DNAAF8: variants seen among roughly 807,000 people sequenced by gnomAD.
DNAAF8 encodes the protein dynein axonemal assembly factor 8, also known as dynein axonemal-associated protein 1.
DNAAF8 carries 61 observed loss-of-function variants against 54.6 expected under a neutral mutation model. That is an observed-to-expected ratio of 1.12 (90% CI 0.91 to 1.38). DNAAF8 has a LOEUF of 1.38. Among genes scored for constraint, DNAAF8 ranks in the 40% most tolerant of loss-of-function variants. The pLI, the probability that DNAAF8 is intolerant of heterozygous loss-of-function variation, is 0.00. For synonymous variants in DNAAF8, 320 were observed against 270.1 expected (o/e 1.18, Z -1.81); for missense variants, 837 against 665.0 (o/e 1.26, Z -2.85).
rs2081973584 is a variant in DNAAF8, at chr16:4,743,072, C to A, written c.813C>A (p.Ile271=). 2 of 1,612,170 alleles carry A rather than the reference C, an allele frequency of 1.2e-6. No homozygotes were observed. The highest frequency in any genetic ancestry group is 1.1e-5 in the South Asian group (1 of 90,862). The change falls in exon 5 of 10, where the codon ATC becomes ATA. Residue 271 remains isoleucine (I), a synonymous_variant. Transcript: ENST00000299320. The part of the protein sequence containing the change: ...QQLEAWDLDD[I]LQSLAGQEDN... Reference sequence around the variant, plus strand: ...TTGAAGCGTGGGATTTGGATGACATCCTTCAGAGTCTGGCGGGACAAGAAG... The same window carrying A: ...TTGAAGCGTGGGATTTGGATGACATACTTCAGAGTCTGGCGGGACAAGAAG...
At chr16:4,747,697 T>A in intron 9 of DNAAF8, 63 bp downstream of exon 9, 1 of 1,489,646 alleles carries the variant, frequency 6.7e-7, no homozygotes, top group Admixed American at 2.3e-5. Flanking sequence ...GGCCCCGGTG[T>A]CCCCTTGTTG....
intron 9 of DNAAF8, chr16:4,748,349 GC>G (rs2082045743): frequency 1.3e-5 from 2 of 151,722 alleles, no homozygotes; most frequent in South Asian, 4.2e-4. Flanking sequence ...TGCCAGCCTG[GC>G]TTTTAATGAA....
At chr16:4,742,990 G>A (rs914791466) in intron 4 of DNAAF8, 53 bp from the exon 5 acceptor site, 13 of 1,398,110 alleles carry the variant, frequency 9.3e-6, no homozygotes, top group African/African-American at 1.4e-5. Flanking sequence ...GCAGGTACTT[G>A]TGCCTCTGGG....
rs928939650 is a variant in DNAAF8 at position 4,746,959 on chromosome 16, A to T, written c.1214A>T (p.Glu405Val). ...SSHSSSDSEE[E>V]EEEEMAALGD... is the part of the protein sequence containing the mutation. ...CACAGCTCCTCTGACAGTGAGGAGG[A>T]GGAGGAGGAAGAGATGGCAGCTCTG... The change falls in exon 8 of 10, where the codon GAG (glutamate) becomes GTG (valine). Residue 405 changes from glutamate (E) to valine (V), a missense_variant. Transcript: ENST00000299320. The T allele has an allele frequency of 6.4e-7, 1 of 1,553,826 alleles. No individual in the cohort carries two copies. The highest frequency in any genetic ancestry group is 8.7e-7 in the Non-Finnish European group (1 of 1,154,030).
At chr16:4,735,520 C>G (rs750113748) in intron 1 of DNAAF8, among the ~76,000 whole-genome samples, 1 of 152,056 alleles carries the variant, frequency 6.6e-6, no homozygotes, top group African/African-American at 2.4e-5. Context: ...GACACTGGCT[C>G]TAGAGGACCC....
In DNAAF8 at chr16:4,743,139, G is replaced by A. The variant is rs1364945013; in HGVS notation, c.880G>A (p.Ala294Thr). The A allele has an allele frequency of 6.2e-7, 1 of 1,606,130 alleles. No homozygotes were observed. The highest frequency in any genetic ancestry group is 8.5e-7 in the Non-Finnish European group (1 of 1,175,676). The part of the protein sequence containing the change: ...NRAPGTVWWA[A>T]DHRQVQDRMV... ...TGCACCTGGAACTGTGTGGTGGGCA[G>A]CTGACCACCGCCAAGTTCAAGGTCT... Residue 294 changes from alanine to threonine, a missense_variant, in exon 5 of 10, where the codon GCT becomes ACT. Ala to Thr is a moderately conservative substitution (Grantham distance 58, BLOSUM62 0). Coordinates refer to ENST00000299320, the MANE Select transcript of DNAAF8 (RefSeq NM_139170.3).
At chr16:4,739,262 C>CTTTTTTTTTTTTT (rs1596482355) in intron 3 of DNAAF8, among the ~76,000 whole-genome samples, 17 of 36,272 alleles carry the variant, frequency 4.7e-4, no homozygotes, top group Non-Finnish European at 6.3e-4. Context: ...ATGATTTTTT[C>CTTTTTTTTTTTTT]TTGTTTTTTT....
intron 9 of DNAAF8, among the ~76,000 whole-genome samples, 158 bp downstream of exon 9, chr16:4,747,792 AC>A: frequency 9.9e-6 from 1 of 100,906 alleles, no homozygotes; most frequent in East Asian, 3.7e-4. Context: ...GAGCTCAGTC[AC>A]AGGTGCATGA....
intron 5 of DNAAF8, 66 bp from the exon 6 acceptor site, chr16:4,744,804 C>T: frequency 6.5e-7 from 1 of 1,541,298 alleles, no homozygotes. Context: ...TCCTGAGGCT[C>T]CAGCTGCTGT....
At chr16:4,735,625 G>A (rs904156907) in intron 1 of DNAAF8, among the ~76,000 whole-genome samples, 4 of 150,400 alleles carry the variant, frequency 2.7e-5, no homozygotes, top group African/African-American at 4.9e-5. Context: ...GGGCTGGTCA[G>A]AGTAGTGACT....
At chr16:4,746,182 G>C in intron 6 of DNAAF8, 193 bp from the exon 7 acceptor site, 1 of 556,380 alleles carries the variant, frequency 1.8e-6, no homozygotes, top group Non-Finnish European at 3.1e-6. Context: ...GGGACGTTCT[G>C]TTGGCCAGTG....
At chr16:4,736,723 A>C in intron 2 of DNAAF8, 80 bp downstream of exon 2, 1 of 1,310,910 alleles carries the variant, frequency 7.6e-7, no homozygotes. Flanking sequence ...GCTTTGGAGC[A>C]CTTCTCTGAA....
At chr16:4,745,393 G>A (rs531930480) in intron 6 of DNAAF8, among the ~76,000 whole-genome samples, 4 of 152,194 alleles carry the variant, frequency 2.6e-5, no homozygotes, top group East Asian at 1.9e-4. Flanking sequence ...CCCCAGCTGC[G>A]GGATTTTTCA....
At chr16:4,745,409 T>C (rs1045740303) in intron 6 of DNAAF8, among the ~76,000 whole-genome samples, 5 of 152,172 alleles carry the variant, frequency 3.3e-5, no homozygotes, top group African/African-American at 1.2e-4. Flanking sequence ...TTTCAATCTC[T>C]GTGTCTCTGT....
intron 4 of DNAAF8, among the ~76,000 whole-genome samples, chr16:4,741,983 C>T (rs2081965665): frequency 6.6e-6 from 1 of 152,202 alleles, no homozygotes; most frequent in Non-Finnish European, 1.5e-5. Flanking sequence ...ACACAGAAGT[C>T]ATCTTTACTA....
Position 4,737,818 on chromosome 16 carries a change from G to T in DNAAF8, c.148G>T (p.Glu50Ter). 6.2e-7 allele frequency: 1 copy of T among 1,614,152 alleles called. No individual in the cohort carries two copies. ...TCCACAGTCGGACTATGGGGAAGAGGAGCTGTTCATCTTCCAGCGAAACCA... is the reference window on the plus strand; with the variant it reads ...TCCACAGTCGGACTATGGGGAAGAGTAGCTGTTCATCTTCCAGCGAAACCA... ...DSPLSDYGEE[E>*]LFIFQRNQTS... Residue 50 changes from glutamate (E) to a stop codon, truncating the protein, a stop_gained, in exon 3 of 10, where the codon GAG (glutamate) becomes TAG (stop). Coordinates refer to ENST00000299320, the MANE Select transcript of DNAAF8 (RefSeq NM_139170.3). LOFTEE classifies it high-confidence loss of function.
chr16:4,746,934 CA>C lies in DNAAF8; in HGVS notation c.1190del (p.His397ProfsTer83). On this transcript the variant is annotated frameshift_variant, in exon 8 of 10. Coordinates refer to ENST00000299320, the MANE Select transcript of DNAAF8 (RefSeq NM_139170.3). LOFTEE classifies it high-confidence loss of function. The stretch of plus-strand genomic sequence containing the variant: ...CCATTTCTCTCCCTGCAGCTCCAGC[CA>C]CAGCTCCTCTGACAGTGAGGAGGAG... ...PDHLSPESSS[H>X]SSSDSEEEEE... 1 of 1,559,716 alleles carries C rather than the reference CA, an allele frequency of 6.4e-7. No individual in the cohort carries two copies. Among genetic ancestry groups the C allele is most frequent in the Non-Finnish European group, 8.7e-7 (1 of 1,155,698 alleles).
Position 4,743,152 on chromosome 16 carries a change from A to T in DNAAF8, c.893A>T (p.Gln298Leu). ...GTVWWAADHRQVQDRMVPSAH... is the reference protein window; with the variant it reads ...GTVWWAADHRLVQDRMVPSAH... Reference sequence around the variant, plus strand: ...GTGTGGTGGGCAGCTGACCACCGCCAAGTTCAAGGTCTGACCTTGAACACT... The same window carrying T: ...GTGTGGTGGGCAGCTGACCACCGCCTAGTTCAAGGTCTGACCTTGAACACT... The change falls in exon 5 of 10, where the codon CAA becomes CTA. Residue 298 changes from glutamine (Q) to leucine (L), a missense_variant. By Grantham distance (113) the Gln-to-Leu change is moderately radical. Coordinates refer to ENST00000299320, the MANE Select transcript of DNAAF8 (RefSeq NM_139170.3). 6.3e-7 allele frequency: 1 copy of T among 1,598,850 alleles called. No individual in the cohort carries two copies. The highest frequency in any genetic ancestry group is 8.5e-7 in the Non-Finnish European group (1 of 1,169,778).
At chr16:4,746,891 G>A in intron 7 of DNAAF8, 36 bp from the exon 8 acceptor site, 2 of 1,503,066 alleles carry the variant, frequency 1.3e-6, no homozygotes, top group Non-Finnish European at 1.8e-6. Context: ...ACCAGGTGGA[G>A]TGGGCACATC....
Sources: gnomAD v4.1 joint callset for allele counts (sites outside exome capture counted in the v4.1 genomes callset) on GRCh38, gnomAD v4.1.1 for gene constraint, MANE v1.5 for transcripts, NCBI Gene and HGNC (gene_info 2026-07-23, HGNC 2026-07-21) for gene names.